Variants in RPL26L1 observed in about 807,000 individuals in gnomAD.
The protein encoded by RPL26L1 is ribosomal protein uL24-like.
A neutral mutation model predicts 15.2 loss-of-function variants in RPL26L1; 8 were observed. The ratio of observed to expected loss-of-function variants is 0.53; its 90% CI spans 0.31 to 0.95. The LOEUF is 0.95. Ranked by LOEUF, RPL26L1 falls within the 40% of genes least tolerant of loss-of-function variation. The pLI, the probability that RPL26L1 is intolerant of heterozygous loss-of-function variation, is 0.05. For synonymous variants in RPL26L1, 51 were observed against 65.9 expected (o/e 0.77, Z 1.09); for missense variants, 146 against 190.9 (o/e 0.76, Z 1.39).
chr5:172,967,514 A>G (rs1755501652), intron 2 of RPL26L1, among the ~76,000 whole-genome samples: 1 of 152,000 alleles, frequency 6.6e-6, no homozygotes, highest in Non-Finnish European at 1.5e-5. Flanking sequence ...GGAAACCCTA[A>G]TCTAGTTGGT....
chr5:172,958,609 C>T (rs1457736830), upstream of RPL26L1: 3 of 341,164 alleles, frequency 8.8e-6, no homozygotes, highest in Admixed American at 3.3e-5. Context: ...TGGTTGATCT[C>T]CCTCACAGCT....
intron 2 of RPL26L1, among the ~76,000 whole-genome samples, chr5:172,966,482 G>A (rs116706636): frequency 0.062 from 9,352 of 151,996 alleles, 325 homozygotes; most frequent in South Asian, 0.11. Context: ...CTTCAGTCTT[G>A]GCCAGGTGCA....
intron 2 of RPL26L1, among the ~76,000 whole-genome samples, chr5:172,964,516 C>G (rs1469443754): frequency 1.3e-5 from 2 of 152,014 alleles, no homozygotes; most frequent in Non-Finnish European, 2.9e-5. Context: ...GAACTCCTGA[C>G]CTCAGGTGAT....
At chr5:172,955,320 G>C (rs1293758660), upstream of RPL26L1, 1 of 280,190 alleles carries the variant, frequency 3.6e-6, no homozygotes, top group Non-Finnish European at 7.0e-6. Context: ...GGAGAAACAG[G>C]GTTTCACCAT....
intron 2 of RPL26L1, among the ~76,000 whole-genome samples, chr5:172,963,262 T>C (rs935043419): frequency 6.6e-6 from 1 of 151,472 alleles, no homozygotes; most frequent in African/African-American, 2.4e-5. Flanking sequence ...TAATCCCAAG[T>C]ACTCGGGAGG....
rs531927579 is a variant in RPL26L1 at position 172,961,829 on chromosome 5, C to T, written c.168+1788C>T. On this transcript the variant is annotated intron_variant, in intron 2 of 3. Transcript: ENST00000265100. ...AGACCACTTTAGACAACCTGTATAT[C>T]TGACTACCTATAACACAGACCTATA... Among the ~76,000 whole-genome samples, 8 of 152,342 alleles carry T rather than the reference C, an allele frequency of 5.3e-5. No individual in the cohort carries two copies. The South Asian group carries it at 1.7e-3, about 32-fold the overall frequency.
intron 2 of RPL26L1, among the ~76,000 whole-genome samples, chr5:172,966,142 T>TTTTTA (rs904412782): frequency 7.2e-5 from 11 of 151,756 alleles, no homozygotes; most frequent in Non-Finnish European, 1.3e-4. Flanking sequence ...TTAAATTAAT[T>TTTTTA]TTTTATTTTA....
upstream of RPL26L1, chr5:172,957,118 C>A: frequency 2.2e-6 from 1 of 452,156 alleles, no homozygotes. Context: ...AGCACTTCCC[C>A]ATGCAGCCAC....
upstream of RPL26L1, chr5:172,958,264 CAAA>C (rs5873347): frequency 2.6e-3 from 744 of 285,852 alleles, no homozygotes; most frequent in Non-Finnish European, 3.1e-3. Flanking sequence ...AACTCTATCT[CAAA>C]AAAAAAAAAA....
intron 3 of RPL26L1, among the ~76,000 whole-genome samples, chr5:172,969,108 T>C (rs1331721649): frequency 6.6e-6 from 1 of 152,092 alleles, no homozygotes; most frequent in Non-Finnish European, 1.5e-5. Flanking sequence ...GGCCGGCCGA[T>C]GGCTGTGTCT....
At chr5:172,958,921 A>C, upstream of RPL26L1, 1 of 154,482 alleles carries the variant, frequency 6.5e-6, no homozygotes, top group African/African-American at 2.4e-5. Flanking sequence ...TTAGTCCCAG[A>C]GATAGAAAAA....
Position 172,959,647 on chromosome 5 carries a change from C to T in RPL26L1, c.-10+179C>T. On this transcript the variant is annotated intron_variant, in intron 1 of 3. Transcript: ENST00000265100. Reference sequence around the variant, plus strand: ...CTCAAGGTCCCAGTGCTACCCTCTCCCCCACGACCCCTTTAGACGGGCATG... The same window carrying T: ...CTCAAGGTCCCAGTGCTACCCTCTCTCCCACGACCCCTTTAGACGGGCATG... 6 of 1,207,990 alleles carry T rather than the reference C, an allele frequency of 5.0e-6. No homozygotes were observed. The South Asian group carries it at 7.8e-5, about 16-fold the overall frequency. 74.8% of individuals were successfully genotyped at this position (1,207,990 alleles called of 1,614,324 possible). A position where few individuals can be genotyped will look rare whatever the true frequency, so the allele number is the denominator to read the frequency against.
intron 2 of RPL26L1, among the ~76,000 whole-genome samples, chr5:172,961,345 A>G (rs746490945): frequency 1.9e-4 from 29 of 152,190 alleles, no homozygotes; most frequent in Non-Finnish European, 3.8e-4. Context: ...ATAGGTAGGG[A>G]TAGAAAATGG....
rs746181223 is a variant in RPL26L1, at chr5:172,959,891, C to T, written c.18C>T (p.Phe6=). 5 of 1,614,020 alleles carry T rather than the reference C, an allele frequency of 3.1e-6. No individual in the cohort carries two copies. The South Asian group carries it at 3.3e-5, about 11-fold the overall frequency. MKFNP[F]VTSDRSKNRK... ...GGGTCACCATGAAGTTCAATCCCTT[C>T]GTTACCTCGGACCGCAGTAAAAACC... The change falls in exon 2 of 4, where the codon TTC becomes TTT. Residue 6 remains phenylalanine, a synonymous_variant. Transcript: ENST00000265100.
chr5:172,958,923 A>C (rs1755098633), upstream of RPL26L1: 1 of 154,280 alleles, frequency 6.5e-6, no homozygotes, highest in Admixed American at 6.3e-5. Context: ...AGTCCCAGAG[A>C]TAGAAAAAAG....
chr5:172,960,606 G>A (rs1755197046), intron 2 of RPL26L1, among the ~76,000 whole-genome samples: 1 of 146,948 alleles, frequency 6.8e-6, no homozygotes, highest in South Asian at 2.2e-4. Context: ...TTTGGCAGGA[G>A]AACTGGTAAA....
upstream of RPL26L1, chr5:172,954,984 C>G (rs1476235234): frequency 2.2e-6 from 1 of 455,982 alleles, no homozygotes; most frequent in Non-Finnish European, 4.4e-6. Flanking sequence ...GCGGAAGAGG[C>G]GTCTCTGGAG....
At chr5:172,954,858 A>T (rs1211580857), upstream of RPL26L1, 1 of 445,618 alleles carries the variant, frequency 2.2e-6, no homozygotes, top group South Asian at 1.6e-5. Context: ...TGTGGATTAC[A>T]GTGGTTTCAT....
At chr5:172,964,789 T>C (rs1464176012) in intron 2 of RPL26L1, among the ~76,000 whole-genome samples, 1 of 152,228 alleles carries the variant, frequency 6.6e-6, no homozygotes, top group African/African-American at 2.4e-5. Context: ...CAGAGAAAAT[T>C]GAAGTTATCA....
Sources: gnomAD v4.1 joint callset for allele counts (sites outside exome capture counted in the v4.1 genomes callset) on GRCh38, gnomAD v4.1.1 for gene constraint, MANE v1.5 for transcripts, NCBI Gene and HGNC (gene_info 2026-07-23, HGNC 2026-07-21) for gene names.